Variants in NSD3 observed in about 807,000 individuals in gnomAD.
NSD3 encodes the protein nuclear receptor binding SET domain protein 3.
NSD3 carries 24 observed loss-of-function variants against 160.8 expected under a neutral mutation model. The ratio of observed to expected loss-of-function variants is 0.15; its 90% CI spans 0.11 to 0.21. NSD3 has a LOEUF of 0.21. Among genes scored for constraint, NSD3 ranks in the 10% least tolerant of loss-of-function variants. The pLI is 1.00. For missense variants in NSD3, 1,157 were observed against 1,735.9 expected (o/e 0.67, Z 5.93); for synonymous variants, 520 against 600.0 (o/e 0.87, Z 1.95).
At chr8:38,299,982 T>C (rs1406099096) in intron 14 of NSD3, among the ~76,000 whole-genome samples, 1 of 151,746 alleles carries the variant, frequency 6.6e-6, no homozygotes, top group Non-Finnish European at 1.5e-5. Flanking sequence ...GAAATAAGAA[T>C]CATTTACATA....
At chr8:38,326,402 T>G (rs978788398) in intron 7 of NSD3, among the ~76,000 whole-genome samples, 1 of 152,176 alleles carries the variant, frequency 6.6e-6, no homozygotes, top group Non-Finnish European at 1.5e-5. Flanking sequence ...TGTGTGCTAA[T>G]AGAGTGGGAA....
chr8:38,293,242 G>C (rs1446190326), intron 16 of NSD3, among the ~76,000 whole-genome samples: 1 of 151,816 alleles, frequency 6.6e-6, no homozygotes, highest in Non-Finnish European at 1.5e-5. Context: ...GGGTAAACAT[G>C]TCTAACATAT....
chr8:38,351,662 CA>C (rs780835943), intron 1 of NSD3, among the ~76,000 whole-genome samples: 2,208 of 79,080 alleles, frequency 0.028, 38 homozygotes, highest in African/African-American at 0.074. Context: ...GACTCCGTCT[CA>C]AAAAAAAAAA....
At chr8:38,345,341 G>GGA (rs1416694270) in intron 2 of NSD3, among the ~76,000 whole-genome samples, 2 of 144,776 alleles carry the variant, frequency 1.4e-5, no homozygotes, top group Non-Finnish European at 3.0e-5. Context: ...GCAGGGAGAG[G>GGA]GAGGGAGAGG....
At chr8:38,312,048 T>C (rs950168971) in intron 12 of NSD3, among the ~76,000 whole-genome samples, 1 of 151,854 alleles carries the variant, frequency 6.6e-6, no homozygotes, top group African/African-American at 2.4e-5. Context: ...GGAAAGACTG[T>C]CTTTTTTTCC....
chr8:38,346,126 GAA>G (rs1440187963), intron 2 of NSD3, among the ~76,000 whole-genome samples: 1 of 150,832 alleles, frequency 6.6e-6, no homozygotes, highest in Non-Finnish European at 1.5e-5. Context: ...AAAGCTATGA[GAA>G]CTTATGTACA....
intron 1 of NSD3, among the ~76,000 whole-genome samples, chr8:38,373,524 T>C (rs191336874): frequency 2.6e-5 from 4 of 152,344 alleles, no homozygotes; most frequent in East Asian, 1.9e-4. Flanking sequence ...TTTTTACATA[T>C]AGCTTTCTTA....
At chr8:38,341,962 A>G (rs1423083859) in intron 2 of NSD3, among the ~76,000 whole-genome samples, 6 of 152,178 alleles carry the variant, frequency 3.9e-5, no homozygotes, top group Non-Finnish European at 8.8e-5. Context: ...ACAAAAAAAA[A>G]AGGACTTCCT....
At chr8:38,287,194 G>T (rs1020046814) in intron 19 of NSD3, among the ~76,000 whole-genome samples, 5 of 152,126 alleles carry the variant, frequency 3.3e-5, no homozygotes, top group Non-Finnish European at 7.3e-5. Flanking sequence ...ATTCATTATG[G>T]AATTTAAAAA....
intron 14 of NSD3, among the ~76,000 whole-genome samples, chr8:38,301,897 T>C (rs1035421106): frequency 6.6e-6 from 1 of 152,224 alleles, no homozygotes; most frequent in African/African-American, 2.4e-5. Context: ...CAGCCTACAT[T>C]ATCCATTTAA....
At chr8:38,327,280 T>C (rs1018480219) in intron 6 of NSD3, among the ~76,000 whole-genome samples, 5 of 152,044 alleles carry the variant, frequency 3.3e-5, no homozygotes, top group Non-Finnish European at 7.4e-5. Context: ...GGTCTCGAAC[T>C]CTTGACCTCA....
intron 7 of NSD3, among the ~76,000 whole-genome samples, chr8:38,323,347 T>C (rs952313398): frequency 2.1e-4 from 32 of 152,100 alleles, no homozygotes; most frequent in Admixed American, 1.3e-4. Context: ...TGAGCCACCA[T>C]ACCTGGCCCT....
intron 1 of NSD3, among the ~76,000 whole-genome samples, chr8:38,350,569 G>A (rs1397639952): frequency 6.6e-6 from 1 of 152,068 alleles, no homozygotes; most frequent in Non-Finnish European, 1.5e-5. Flanking sequence ...TTTTTTGCCA[G>A]TATCTACTTA....
At chr8:38,323,821 C>CAAAAAA (rs397891214) in intron 7 of NSD3, among the ~76,000 whole-genome samples, 2 of 72,238 alleles carry the variant, frequency 2.8e-5, no homozygotes, top group African/African-American at 5.3e-5. Flanking sequence ...GACCCTGTCT[C>CAAAAAA]AAAAAAAAAA....
At position 38,314,828 on chromosome 8, in the gene NSD3, A is replaced by G; in HGVS notation, c.2116-55T>C. Reference sequence around the variant, plus strand: ...AAACTTTGGCAAACATCAAGACCACATGGGCGGCTTGTTAAACACAAATTA... The same window carrying G: ...AAACTTTGGCAAACATCAAGACCACGTGGGCGGCTTGTTAAACACAAATTA... On this transcript the variant is annotated intron_variant, in intron 11 of 23. Transcript: ENST00000317025. The G allele has an allele frequency of 1.9e-6, 3 of 1,570,004 alleles. No individual in the cohort carries two copies. The South Asian group carries it at 3.4e-5, about 18-fold the overall frequency.
intron 2 of NSD3, among the ~76,000 whole-genome samples, chr8:38,338,988 A>T (rs1003018746): frequency 4.6e-5 from 7 of 152,120 alleles, no homozygotes; most frequent in African/African-American, 1.7e-4. Context: ...AAAAATTAAA[A>T]AAATAGCCGG....
At chr8:38,346,452 T>C (rs181360866) in intron 2 of NSD3, among the ~76,000 whole-genome samples, 98 of 150,384 alleles carry the variant, frequency 6.5e-4, no homozygotes, top group African/African-American at 2.2e-3. Flanking sequence ...ATTTTCTGGC[T>C]CCCCTCACTA....
chr8:38,347,578 T>C lies in NSD3; in HGVS notation c.594A>G (p.Lys198=). ...TTGATGAGTCATGCTTGTTGCTTTT[T>C]TTCCTCTTTTCTTTTCTGCTTTCAT... ...SKHESRKEKR[K]KSNKHDSSRS... is the part of the protein sequence containing the mutation. Residue 198 remains lysine (K), a synonymous_variant, in exon 2 of 24, where the codon AAA becomes AAG. Transcript: ENST00000317025. 3 of 1,614,144 alleles carry C rather than the reference T, an allele frequency of 1.9e-6. No individual in the cohort carries two copies. Among genetic ancestry groups the C allele is most frequent in the Non-Finnish European group, 8.5e-7 (1 of 1,180,028 alleles).
Position 38,347,541 on chromosome 8 carries a change from G to C in NSD3, c.631C>G (p.Arg211Gly), listed in dbSNP as rs146365929. 1 of 1,604,204 alleles carries C rather than the reference G, an allele frequency of 6.2e-7. No individual in the cohort carries two copies. The highest frequency in any genetic ancestry group is 1.3e-5 in the African/African-American group (1 of 74,114). The change falls in exon 2 of 24, where the codon CGC becomes GGC. Residue 211 changes from arginine (R) to glycine (G), a missense_variant. This residue lies in a region of NSD3 where 99 missense variants were observed against 151.8 expected (regional missense o/e 0.65). Coordinates refer to ENST00000317025, the MANE Select transcript of NSD3 (RefSeq NM_023034.2). ...NKHDSSRSEE[R>G]KSHKIPKLEP... Reference sequence around the variant, plus strand: ...AATTTGGGGATTTTGTGTGACTTGCGCTCTTCAGATCTTGATGAGTCATGC... The same window carrying C: ...AATTTGGGGATTTTGTGTGACTTGCCCTCTTCAGATCTTGATGAGTCATGC...
Sources: allele counts gnomAD v4.1 joint callset (sites outside exome capture counted in the v4.1 genomes callset), GRCh38; gene constraint gnomAD v4.1.1; regional missense constraint gnomAD v4.1.1; transcripts MANE v1.5; gene names NCBI Gene and HGNC (gene_info 2026-07-23, HGNC 2026-07-21).